Variants in PIK3C2G observed in about 807,000 individuals in gnomAD.
PIK3C2G encodes the protein phosphatidylinositol-4-phosphate 3-kinase catalytic subunit type 2 gamma.
In PIK3C2G, 168 loss-of-function variants were observed where a neutral mutation model predicts 181.1. That is an observed-to-expected ratio of 0.93 (90% CI 0.82 to 1.05). PIK3C2G has a LOEUF of 1.05. Ranked by LOEUF, PIK3C2G falls within the 50% of genes least tolerant of loss-of-function variation. The probability of loss-of-function intolerance (pLI) is 0.00; values close to 1 mark genes in which losing one functional copy is unlikely to be tolerated. For missense variants in PIK3C2G, 1,869 were observed against 1,732.8 expected, an observed-to-expected ratio of 1.08 and a Z score of -1.40; for synonymous variants, 573 against 592.2, an observed-to-expected ratio of 0.97 and a Z score of 0.47.
At chr12:18,534,207 C>T (rs1003310750) in intron 24 of PIK3C2G, among the ~76,000 whole-genome samples, 2 of 152,046 alleles carry the variant, frequency 1.3e-5, no homozygotes, top group African/African-American at 4.8e-5. Context: ...TGCTCAGCCT[C>T]CCAAAGTGCT....
chr12:18,491,600 T>C, intron 20 of PIK3C2G, 42 bp downstream of exon 20: 1 of 1,148,620 alleles, frequency 8.7e-7, no homozygotes, highest in Non-Finnish European at 1.3e-6. Context: ...TATTTCTGTT[T>C]TGTATAGTTT....
chr12:18,712,799 C>T, the PIK3C2G span: 13 of 1,599,472 alleles, frequency 8.1e-6, no homozygotes, highest in Admixed American at 1.7e-5. Flanking sequence ...ATTAGAATTG[C>T]TTCTGTTTAA....
rs531400554 is a variant in PIK3C2G at position 18,417,881 on chromosome 12, T to G, written c.2316-3060T>G. On this transcript the variant is annotated intron_variant, in intron 16 of 32. Transcript: ENST00000538779. ...CTCTCTTTCATTGCCTTCAGATTTG[T>G]TTTTCTCCTATGCTTTTGACGGAGA... 7.2e-5 allele frequency among the ~76,000 whole-genome samples: 11 copies of G among 152,254 alleles called. No homozygotes were observed. The South Asian group carries it at 2.3e-3, about 32-fold the overall frequency.
chr12:18,331,099 C>T lies in PIK3C2G; in HGVS notation c.1272+6001C>T, dbSNP rs12425462. ...CCTGTTCTGTTTCATAAATCTATGT[C>T]TATCCTAATACCAGTCAACATTACC... On this transcript the variant is annotated intron_variant, in intron 8 of 32. Transcript: ENST00000538779. Among the ~76,000 whole-genome samples, 1,508 of 152,214 alleles carry T rather than the reference C, an allele frequency of 9.9e-3. 16 individuals carry two copies. Among genetic ancestry groups the T allele is most frequent in the Non-Finnish European group, 0.015 (1,044 of 67,996 alleles).
At chr12:18,470,275 T>G (rs1447409) in intron 18 of PIK3C2G, among the ~76,000 whole-genome samples, 24,410 of 151,994 alleles carry the variant, frequency 0.16, 2,384 homozygotes, top group African/African-American at 0.27. Context: ...ACCAGAATAT[T>G]TTTCAAGGCT....
At chr12:18,410,510 G>GAAAAAA (rs1184793762) in intron 16 of PIK3C2G, among the ~76,000 whole-genome samples, 3 of 85,412 alleles carry the variant, frequency 3.5e-5, no homozygotes, top group African/African-American at 1.2e-4. Flanking sequence ...ATCTCAGAAA[G>GAAAAAA]AAAAAAAAAA....
At chr12:18,653,974 A>G in the PIK3C2G span, among the ~76,000 whole-genome samples, 3 of 152,154 alleles carry the variant, frequency 2.0e-5, no homozygotes, top group African/African-American at 7.2e-5. Context: ...CCAAGAATCA[A>G]GAAATAACTT....
intron 10 of PIK3C2G, among the ~76,000 whole-genome samples, chr12:18,344,833 TG>T (rs1251149519): frequency 6.6e-6 from 1 of 152,170 alleles, no homozygotes; most frequent in Non-Finnish European, 1.5e-5. Flanking sequence ...CCCTGTGTCT[TG>T]GGTTCTTAAT....
chr12:18,620,846 A>G (rs1948829512), intron 31 of PIK3C2G, among the ~76,000 whole-genome samples: 1 of 152,036 alleles, frequency 6.6e-6, no homozygotes, highest in Admixed American at 6.6e-5. Flanking sequence ...TTATTGACAC[A>G]TTCATTCTCA....
chr12:18,387,207 C>T (rs1230381505), intron 14 of PIK3C2G, among the ~76,000 whole-genome samples: 1 of 152,172 alleles, frequency 6.6e-6, no homozygotes, highest in East Asian at 1.9e-4. Context: ...CTCAATTCCT[C>T]ACCTCATCTG....
At chr12:18,636,208 G>C (rs923834158) in intron 31 of PIK3C2G, among the ~76,000 whole-genome samples, 6 of 152,136 alleles carry the variant, frequency 3.9e-5, no homozygotes, top group African/African-American at 1.4e-4. Flanking sequence ...AAAGCAAACT[G>C]CTTCTGGTGG....
At chr12:18,373,983 T>A (rs973642658) in intron 13 of PIK3C2G, among the ~76,000 whole-genome samples, 1 of 152,218 alleles carries the variant, frequency 6.6e-6, no homozygotes, top group Non-Finnish European at 1.5e-5. Flanking sequence ...GAAAGTGTTA[T>A]CCTCACCTCA....
chr12:18,643,114 G>T (rs149674775), intron 32 of PIK3C2G, among the ~76,000 whole-genome samples: 2,549 of 152,018 alleles, frequency 0.017, 37 homozygotes, highest in Non-Finnish European at 0.027. Context: ...AAATAAACTT[G>T]TGTTTTATTT....
chr12:18,692,967 A>G, the PIK3C2G span: 46 of 1,451,364 alleles, frequency 3.2e-5, no homozygotes, highest in South Asian at 4.9e-4. Flanking sequence ...AAAATTACTG[A>G]AGTTAGAGAG....
chr12:18,589,025 A>G (rs559587933), intron 29 of PIK3C2G, among the ~76,000 whole-genome samples: 16 of 152,192 alleles, frequency 1.1e-4, no homozygotes, highest in African/African-American at 3.6e-4. Flanking sequence ...CTCATTTATA[A>G]GTGGGAGCTA....
chr12:18,474,893 T>A, intron 18 of PIK3C2G, among the ~76,000 whole-genome samples: 2 of 152,104 alleles, frequency 1.3e-5, no homozygotes, highest in East Asian at 1.9e-4. Flanking sequence ...AAAAGAAAAT[T>A]GCTAACCAAT....
chr12:18,505,537 C>A (rs1941768057), intron 24 of PIK3C2G, 76 bp downstream of exon 24: 3 of 1,020,378 alleles, frequency 2.9e-6, no homozygotes, highest in Middle Eastern at 3.1e-4. Context: ...TGCATAGAAA[C>A]CCTGCTGATG....
chr12:18,289,090 T>C (rs1039415281), intron 3 of PIK3C2G, among the ~76,000 whole-genome samples: 2 of 152,188 alleles, frequency 1.3e-5, no homozygotes, highest in Non-Finnish European at 2.9e-5. Flanking sequence ...AATGTATACA[T>C]GCATAATTAT....
At chr12:18,352,327 A>G (rs915561699) in intron 11 of PIK3C2G, among the ~76,000 whole-genome samples, 1 of 152,212 alleles carries the variant, frequency 6.6e-6, no homozygotes, top group Non-Finnish European at 1.5e-5. Flanking sequence ...ATTCTGAAAC[A>G]GGACAGTTCC....
Sources: allele counts gnomAD v4.1 joint callset (sites outside exome capture counted in the v4.1 genomes callset), GRCh38; gene constraint gnomAD v4.1.1; transcripts MANE v1.5; gene names NCBI Gene and HGNC (gene_info 2026-07-23, HGNC 2026-07-21).